Variants in PRKAA1 observed in about 807,000 individuals in gnomAD.
PRKAA1 encodes protein kinase AMP-activated catalytic subunit alpha 1.
In PRKAA1, 23 loss-of-function variants were observed where a neutral mutation model predicts 56.9. The ratio of observed to expected loss-of-function variants is 0.40; its 90% CI spans 0.29 to 0.57. PRKAA1 has a LOEUF of 0.57. Ranked by LOEUF, PRKAA1 falls within the 20% of genes least tolerant of loss-of-function variation. The probability of loss-of-function intolerance (pLI) is 0.39; values close to 1 mark genes in which losing one functional copy is unlikely to be tolerated. For missense variants in PRKAA1, 413 were observed against 679.7 expected (o/e 0.61, Z 4.36); for synonymous variants, 226 against 227.0 (o/e 1.00, Z 0.04).
chr5:40,775,903 T>C (rs1485838313), intron 2 of PRKAA1, among the ~76,000 whole-genome samples: 1 of 152,158 alleles, frequency 6.6e-6, no homozygotes, highest in Non-Finnish European at 1.5e-5. Flanking sequence ...AGAAGCCTGC[T>C]TGGCATGTTC....
chr5:40,780,077 T>C (rs1053892890), intron 1 of PRKAA1, among the ~76,000 whole-genome samples: 1 of 152,200 alleles, frequency 6.6e-6, no homozygotes, highest in African/African-American at 2.4e-5. Context: ...ATTTTTCACC[T>C]GCATATTCAC....
intron 1 of PRKAA1, among the ~76,000 whole-genome samples, chr5:40,795,647 C>T (rs1195004043): frequency 6.6e-6 from 1 of 152,216 alleles, no homozygotes; most frequent in African/African-American, 2.4e-5. Flanking sequence ...AAGAGAACCA[C>T]AGATAAGTTC....
intron 5 of PRKAA1, chr5:40,768,904 T>C (rs768039618): frequency 1.3e-6 from 2 of 1,562,126 alleles, no homozygotes; most frequent in Non-Finnish European, 1.7e-6. Context: ...AGTTAGTAAA[T>C]TGAGAGGTTA....
chr5:40,786,219 C>A (rs1744476450), intron 1 of PRKAA1, among the ~76,000 whole-genome samples: 1 of 149,104 alleles, frequency 6.7e-6, no homozygotes, highest in Non-Finnish European at 1.5e-5. Context: ...CATGCCACTG[C>A]ACTCTATTCT....
At chr5:40,775,921 A>G (rs1188995286) in intron 2 of PRKAA1, among the ~76,000 whole-genome samples, 4 of 152,194 alleles carry the variant, frequency 2.6e-5, no homozygotes, top group African/African-American at 4.8e-5. Flanking sequence ...TTCGAGGAAT[A>G]TTAGAGAGAA....
At chr5:40,765,864 T>A (rs1283309706) in intron 6 of PRKAA1, among the ~76,000 whole-genome samples, 1 of 152,142 alleles carries the variant, frequency 6.6e-6, no homozygotes, top group African/African-American at 2.4e-5. Flanking sequence ...GATTTCCTAT[T>A]CTAATTCCCT....
intron 3 of PRKAA1, chr5:40,775,119 T>C: frequency 1.4e-6 from 1 of 721,044 alleles, no homozygotes. Flanking sequence ...AGCATAAGTC[T>C]GAGGATTATG....
At chr5:40,780,724 GAAGAA>G (rs1257289882) in intron 1 of PRKAA1, among the ~76,000 whole-genome samples, 2 of 152,174 alleles carry the variant, frequency 1.3e-5, no homozygotes, top group Non-Finnish European at 2.9e-5. Flanking sequence ...CAATTCAGCA[GAAGAA>G]AAGTCCGTTC....
In PRKAA1 at chr5:40,770,890, CA is replaced by C. The variant is rs35057812; in HGVS notation, c.508+828del. Among the ~76,000 whole-genome samples the C allele has an allele frequency of 1.1e-3, 170 of 151,812 alleles. 1 individual carries two copies. In the East Asian group the frequency reaches 0.028, roughly 25 times the overall value. ...ACAGGTATAAGCCACCACGCCCAGC[CA>C]AAATAAATTCATTTTTAACAATCAA... On this transcript the variant is annotated intron_variant, in intron 4 of 8. Transcript: ENST00000397128.
Position 40,764,937 on chromosome 5 carries a change from CT to C in PRKAA1, c.1122del (p.Val375TyrfsTer18). 6.2e-7 allele frequency: 1 copy of C among 1,614,168 alleles called. No homozygotes were observed. Among genetic ancestry groups the C allele is most frequent in the Non-Finnish European group, 8.5e-7 (1 of 1,180,006 alleles). Reference sequence around the variant, plus strand: ...GGTGTTTCAGCAACCAAGAATGGTACTCTTTCAGGATGGGGCCGAGTCAGGT... The same window carrying C: ...GGTGTTTCAGCAACCAAGAATGGTACCTTTCAGGATGGGGCCGAGTCAGGT... ...DHHLTRPHPE[R>X]VPFLVAETPR... On this transcript the variant is annotated frameshift_variant, in exon 7 of 9. Coordinates refer to ENST00000397128, the MANE Select transcript of PRKAA1 (RefSeq NM_006251.6). LOFTEE classifies it high-confidence loss of function.
intron 4 of PRKAA1, among the ~76,000 whole-genome samples, chr5:40,769,871 G>C (rs1344793866): frequency 2.8e-5 from 3 of 106,348 alleles, no homozygotes; most frequent in Non-Finnish European, 5.4e-5. Flanking sequence ...AGCCTGTTCT[G>C]ATTCTTTAAA....
intron 6 of PRKAA1, 140 bp from the exon 7 acceptor site, chr5:40,765,378 T>TC: frequency 9.5e-7 from 1 of 1,053,034 alleles, no homozygotes; most frequent in African/African-American, 1.6e-5. Flanking sequence ...ACTGAAATTT[T>TC]CCTCTTCTAG....
chr5:40,797,672 G>A (rs1744988259), intron 1 of PRKAA1, among the ~76,000 whole-genome samples: 1 of 152,242 alleles, frequency 6.6e-6, no homozygotes, highest in African/African-American at 2.4e-5. Context: ...CCTGAGCCAA[G>A]GGAGCACAAC....
intron 3 of PRKAA1, 106 bp downstream of exon 3, chr5:40,775,304 C>A: frequency 1.2e-6 from 1 of 817,470 alleles, no homozygotes. Flanking sequence ...ACTAAGGGAA[C>A]TGGTTATTAA....
rs1684697198 is a variant in PRKAA1 at position 40,769,560 on chromosome 5, C to T, written c.509-57G>A. On this transcript the variant is annotated intron_variant, in intron 4 of 8. Transcript: ENST00000397128. ...ATTTCCCAAAGACAAAAATTAAAATCCCATTAAACAATAAAATTGAGTTTG... is the reference window on the plus strand; with the variant it reads ...ATTTCCCAAAGACAAAAATTAAAATTCCATTAAACAATAAAATTGAGTTTG... The T allele has an allele frequency of 1.0e-5, 13 of 1,305,388 alleles. No individual in the cohort carries two copies. In the South Asian group the frequency reaches 1.7e-4, roughly 17 times the overall value. The allele number at this position is 1,305,388 out of a possible 1,614,324, so 80.9% of individuals were successfully genotyped here.
intron 3 of PRKAA1, among the ~76,000 whole-genome samples, chr5:40,772,827 C>T (rs1054195944): frequency 2.0e-5 from 3 of 152,122 alleles, no homozygotes; most frequent in Non-Finnish European, 4.4e-5. Flanking sequence ...AGAGACAGGA[C>T]TTTGCCATGT....
intron 1 of PRKAA1, among the ~76,000 whole-genome samples, chr5:40,790,486 G>A (rs1291691074): frequency 6.7e-6 from 1 of 149,182 alleles, no homozygotes; most frequent in Non-Finnish European, 1.5e-5. Context: ...TTTTGAATTT[G>A]TATCCCAGCC....
chr5:40,784,826 G>A (rs1261866207), intron 1 of PRKAA1, among the ~76,000 whole-genome samples: 1 of 152,172 alleles, frequency 6.6e-6, no homozygotes, highest in Non-Finnish European at 1.5e-5. Flanking sequence ...CACAGCTAAT[G>A]AGTGGAAAAG....
intron 1 of PRKAA1, among the ~76,000 whole-genome samples, chr5:40,792,724 C>A (rs1744765771): frequency 6.6e-6 from 1 of 152,032 alleles, no homozygotes; most frequent in Non-Finnish European, 1.5e-5. Flanking sequence ...ATGATTCATT[C>A]ACAAAGTACC....
Sources: allele counts gnomAD v4.1 joint callset (sites outside exome capture counted in the v4.1 genomes callset), GRCh38; gene constraint gnomAD v4.1.1; transcripts MANE v1.5; gene names NCBI Gene and HGNC (gene_info 2026-07-23, HGNC 2026-07-21).